The following CGREF1 variants were observed in gnomAD, a reference collection of about 807,000 sequenced individuals.
CGREF1 encodes cell growth regulator with EF-hand domain 1, also known as cell growth regulator with EF hand domain protein 1.
CGREF1 carries 16 observed loss-of-function variants against 17.4 expected under a neutral mutation model. The ratio of observed to expected loss-of-function variants is 0.92; its 90% CI spans 0.62 to 1.40. The LOEUF (loss-of-function observed/expected upper bound fraction) is 1.40. Ranked by LOEUF, CGREF1 falls within the 40% of genes most tolerant of loss-of-function variation. The probability of loss-of-function intolerance (pLI) is 0.00; values close to 1 mark genes in which losing one functional copy is unlikely to be tolerated. For missense variants in CGREF1, 296 were observed against 376.4 expected (o/e 0.79, Z 1.77); for synonymous variants, 142 against 154.6 (o/e 0.92, Z 0.61).
chr2:27,110,815 C>G (rs540774591), intron 1 of CGREF1: 1 of 152,560 alleles, frequency 6.6e-6, no homozygotes, highest in Non-Finnish European at 1.5e-5. Flanking sequence ...CGGATGCGTT[C>G]GAAGTTTCTT....
Position 27,102,443 on chromosome 2 carries a change from T to C in CGREF1, c.147-13A>G, listed in dbSNP as rs1431074643. ...GCTCTGCAGAAGTCTGTCAGAAAAG[T>C]GGAGAATCAGCCCGGGAGAGGTGAG... On this transcript the variant is annotated splice_polypyrimidine_tract_variant and intron_variant, in intron 3 of 5. Transcript: ENST00000402394. 1.2e-6 allele frequency: 2 copies of C among 1,613,908 alleles called. No homozygotes were observed. Among genetic ancestry groups the C allele is most frequent in the African/African-American group, 2.7e-5 (2 of 74,922 alleles).
At position 27,118,831 on chromosome 2, in the gene CGREF1, C is replaced by G. The variant is rs978692010; in HGVS notation, c.-12+15G>C. ...GGCTCGGGTCTCCGGCCGGCCGGGG[C>G]GGGGTGTCACCCACCTGCTGCGGCG... On this transcript the variant is annotated intron_variant, in intron 1 of 5. Coordinates refer to ENST00000402394, the MANE Select transcript of CGREF1 (RefSeq NM_006569.6). 2 of 152,064 alleles carry G rather than the reference C, an allele frequency of 1.3e-5. No individual in the cohort carries two copies. The highest frequency in any genetic ancestry group is 4.8e-5 in the African/African-American group (2 of 41,420). The allele number at this position is 152,064 out of a possible 1,614,324, so 9.4% of individuals were successfully genotyped here. A position where few individuals can be genotyped will look rare whatever the true frequency, so the allele number is the denominator to read the frequency against.
intron 1 of CGREF1, among the ~76,000 whole-genome samples, chr2:27,111,332 T>C (rs1671373118): frequency 6.6e-6 from 1 of 152,238 alleles, no homozygotes; most frequent in African/African-American, 2.4e-5. Flanking sequence ...AGGGTGCTGA[T>C]TGGTGTGTTT....
chr2:27,117,114 C>T (rs1014358645), intron 1 of CGREF1, among the ~76,000 whole-genome samples: 1 of 150,884 alleles, frequency 6.6e-6, no homozygotes, highest in Admixed American at 6.6e-5. Flanking sequence ...GGTTTCACCA[C>T]GTTGGACAGG....
rs1041782089 is a variant in CGREF1, at chr2:27,100,968, G to A, written c.*306C>T. Reference sequence around the variant, plus strand: ...CCATGCGCTCTGCTGCCGGAGCACCGTGAGGCCCAGAAACACTGGGCAGGC... The same window carrying A: ...CCATGCGCTCTGCTGCCGGAGCACCATGAGGCCCAGAAACACTGGGCAGGC... On this transcript the variant is annotated 3_prime_UTR_variant, in exon 6 of 6. Transcript: ENST00000402394. 4.8e-5 allele frequency: 56 copies of A among 1,172,914 alleles called. No homozygotes were observed. The highest frequency in any genetic ancestry group is 5.6e-5 in the Non-Finnish European group (53 of 948,914). 72.7% of individuals were successfully genotyped at this position (1,172,914 alleles called of 1,614,324 possible).
chr2:27,107,425 T>G (rs1671165313), intron 1 of CGREF1, among the ~76,000 whole-genome samples: 1 of 151,834 alleles, frequency 6.6e-6, no homozygotes, highest in African/African-American at 2.4e-5. Context: ...CTGCTAATTT[T>G]TGTATTTTTA....
chr2:27,116,845 A>G (rs1186038954), intron 1 of CGREF1, among the ~76,000 whole-genome samples: 2 of 136,460 alleles, frequency 1.5e-5, no homozygotes, highest in Non-Finnish European at 1.6e-5. Context: ...CTGGGATTAC[A>G]GGGATGAGCC....
At chr2:27,111,816 C>G (rs1468384743) in intron 1 of CGREF1, among the ~76,000 whole-genome samples, 1 of 151,950 alleles carries the variant, frequency 6.6e-6, no homozygotes, top group Non-Finnish European at 1.5e-5. Flanking sequence ...CGGCAAGCGC[C>G]GCGCGCAGCC....
intron 1 of CGREF1, 173 bp downstream of exon 1, chr2:27,118,673 G>A (rs971783036): frequency 3.3e-5 from 5 of 152,438 alleles, no homozygotes; most frequent in Non-Finnish European, 5.9e-5. Flanking sequence ...TGCCCTCAGG[G>A]TACACAGGGG....
chr2:27,111,537 G>C (rs1283516342), intron 1 of CGREF1, among the ~76,000 whole-genome samples: 1 of 152,238 alleles, frequency 6.6e-6, no homozygotes, highest in African/African-American at 2.4e-5. Context: ...TTGGGTGGTC[G>C]ATGGGACAGG....
chr2:27,101,222 AG>A lies in CGREF1; in HGVS notation c.*51del. ...AGCGTACATTTCCCCTGCCCACTTC[AG>A]GGCTTATGTTCTGGCACTGAGACTT... On this transcript the variant is annotated 3_prime_UTR_variant, in exon 6 of 6. Transcript: ENST00000402394. 1 of 1,517,006 alleles carries A rather than the reference AG, an allele frequency of 6.6e-7. No individual in the cohort carries two copies. The highest frequency in any genetic ancestry group is 1.4e-5 in the African/African-American group (1 of 71,848). The allele number at this position is 1,517,006 out of a possible 1,614,324, so 94.0% of individuals were successfully genotyped here. A position where few individuals can be genotyped will look rare whatever the true frequency, so the allele number is the denominator to read the frequency against.
chr2:27,106,299 T>A (rs916809552), intron 1 of CGREF1, among the ~76,000 whole-genome samples: 1 of 152,216 alleles, frequency 6.6e-6, no homozygotes, highest in Non-Finnish European at 1.5e-5. Context: ...GAAAGTGAGC[T>A]TGACATTAGC....
At chr2:27,116,923 C>CTTTT (rs56355405) in intron 1 of CGREF1, among the ~76,000 whole-genome samples, 7 of 53,046 alleles carry the variant, frequency 1.3e-4, no homozygotes, top group African/African-American at 6.8e-4. Flanking sequence ...CTCTCTCTCT[C>CTTTT]TTTTTTTGAG....
chr2:27,113,536 C>T (rs1164743226), intron 1 of CGREF1, among the ~76,000 whole-genome samples: 3 of 152,084 alleles, frequency 2.0e-5, no homozygotes, highest in East Asian at 1.9e-4. Context: ...CAAATGTTAA[C>T]GCAAGAAAAA....
intron 2 of CGREF1, chr2:27,103,224 C>T (rs1670978075): frequency 2.5e-6 from 1 of 405,646 alleles, no homozygotes. Flanking sequence ...TTTGTCACAG[C>T]TACCAGCCCC....
chr2:27,108,829 T>G (rs534898168), intron 1 of CGREF1, among the ~76,000 whole-genome samples: 1 of 152,286 alleles, frequency 6.6e-6, no homozygotes, highest in South Asian at 2.1e-4. Context: ...TATTTATTTA[T>G]TTAGAGACAG....
chr2:27,114,385 C>A lies in CGREF1; in HGVS notation c.-12+4461G>T, dbSNP rs116611028. Among the ~76,000 whole-genome samples, 223 of 152,260 alleles carry A rather than the reference C, an allele frequency of 1.5e-3. 2 individuals carry two copies. The highest frequency in any genetic ancestry group is 5.3e-3 in the African/African-American group (219 of 41,528). ...CATAAAGGGGAAGCACCCCTCAGATCCACTCATCCTCTCACTCATTAGGCC... is the reference window on the plus strand; with the variant it reads ...CATAAAGGGGAAGCACCCCTCAGATACACTCATCCTCTCACTCATTAGGCC... On this transcript the variant is annotated intron_variant, in intron 1 of 5. Transcript: ENST00000402394.
At chr2:27,109,513 C>T (rs528538328) in intron 1 of CGREF1, among the ~76,000 whole-genome samples, 1 of 152,190 alleles carries the variant, frequency 6.6e-6, no homozygotes, top group African/African-American at 2.4e-5. Context: ...CTGGTCTGAA[C>T]TACAATATTG....
chr2:27,107,523 G>A (rs1005782169), intron 1 of CGREF1, among the ~76,000 whole-genome samples: 1 of 151,774 alleles, frequency 6.6e-6, no homozygotes, highest in Admixed American at 6.6e-5. Flanking sequence ...AAAGTGCTGG[G>A]ATTACAGGCA....
Sources: gnomAD v4.1 joint callset for allele counts (sites outside exome capture counted in the v4.1 genomes callset) on GRCh38, gnomAD v4.1.1 for gene constraint, MANE v1.5 for transcripts, NCBI Gene and HGNC (gene_info 2026-07-23, HGNC 2026-07-21) for gene names.